The following VPS13B variants were observed in gnomAD, a reference collection of about 807,000 sequenced individuals.
VPS13B encodes the protein intermembrane lipid transfer protein VPS13B.
VPS13B carries 285 observed loss-of-function variants against 426.4 expected under a neutral mutation model. The ratio of observed to expected loss-of-function variants is 0.67; its 90% CI spans 0.61 to 0.74. VPS13B has a LOEUF of 0.74. Among genes scored for constraint, VPS13B ranks in the 30% least tolerant of loss-of-function variants. The probability of loss-of-function intolerance (pLI) is 0.00; values close to 1 mark genes in which losing one functional copy is unlikely to be tolerated. For synonymous variants in VPS13B, 1,676 were observed against 1,676.4 expected (o/e 1.00, Z 0.01); for missense variants, 4,537 against 4,782.6 (o/e 0.95, Z 1.51).
rs1341507447 is a variant in VPS13B at position 99,015,437 on chromosome 8, C to T, written c.147+1502C>T. ...TTCACCGTGTTAGCCAGGATGGTCTCGATCTCCTGACCTCATGATCCGCCC... is the reference window on the plus strand; with the variant it reads ...TTCACCGTGTTAGCCAGGATGGTCTTGATCTCCTGACCTCATGATCCGCCC... On this transcript the variant is annotated intron_variant, in intron 2 of 61. Transcript: ENST00000357162. Among the ~76,000 whole-genome samples the T allele has an allele frequency of 3.7e-4, 56 of 150,838 alleles. 2 individuals carry two copies. The highest frequency in any genetic ancestry group is 3.6e-3 in the Admixed American group (55 of 15,168).
chr8:99,755,988 T>C (rs1246879139), intron 39 of VPS13B, among the ~76,000 whole-genome samples: 2 of 151,968 alleles, frequency 1.3e-5, no homozygotes, highest in Non-Finnish European at 2.9e-5. Context: ...AAAAAAGCGA[T>C]CAATAGAAAT....
At chr8:99,678,799 T>C (rs1831044442) in intron 35 of VPS13B, among the ~76,000 whole-genome samples, 1 of 152,184 alleles carries the variant, frequency 6.6e-6, no homozygotes, top group Admixed American at 6.5e-5. Flanking sequence ...TATTTGAGTA[T>C]TCAGTAGTAT....
At chr8:99,716,316 T>C (rs1832918792) in intron 36 of VPS13B, among the ~76,000 whole-genome samples, 1 of 152,124 alleles carries the variant, frequency 6.6e-6, no homozygotes, top group African/African-American at 2.4e-5. Flanking sequence ...TTTTAATCTT[T>C]CATCTTTTTT....
chr8:99,434,786 A>G (rs1321541856), intron 22 of VPS13B, among the ~76,000 whole-genome samples: 3 of 152,212 alleles, frequency 2.0e-5, no homozygotes, highest in Non-Finnish European at 2.9e-5. Flanking sequence ...TTGCAGAGTT[A>G]TGACTCTTTT....
At chr8:99,856,560 G>A (rs1816559106) in intron 56 of VPS13B, among the ~76,000 whole-genome samples, 1 of 152,210 alleles carries the variant, frequency 6.6e-6, no homozygotes, top group South Asian at 2.1e-4. Flanking sequence ...AAAGAAACAG[G>A]CCGGGCGCAG....
At chr8:99,030,521 C>T (rs886375861) in intron 2 of VPS13B, among the ~76,000 whole-genome samples, 6 of 151,386 alleles carry the variant, frequency 4.0e-5, no homozygotes, top group African/African-American at 1.5e-4. Context: ...CTGTCCAGAA[C>T]TGGTTTCCAC....
intron 28 of VPS13B, chr8:99,507,740 A>G (rs1362888714): frequency 6.2e-7 from 1 of 1,613,588 alleles, no homozygotes; most frequent in Admixed American, 1.7e-5. Context: ...TTGTCTTTTC[A>G]CCTTCTTTGC....
chr8:99,233,475 G>A, intron 17 of VPS13B: 1 of 1,341,462 alleles, frequency 7.5e-7, no homozygotes, highest in Non-Finnish European at 1.1e-6. Context: ...GGGTTGGGAT[G>A]AAGAGATTCA....
chr8:99,168,714 C>T (rs866901601), intron 15 of VPS13B, among the ~76,000 whole-genome samples: 2 of 151,934 alleles, frequency 1.3e-5, no homozygotes, highest in African/African-American at 4.8e-5. Flanking sequence ...TTTAAGTAAT[C>T]ATTTCAGTAT....
At chr8:99,459,862 T>C (rs962615674) in intron 23 of VPS13B, among the ~76,000 whole-genome samples, 4 of 152,206 alleles carry the variant, frequency 2.6e-5, no homozygotes, top group Non-Finnish European at 5.9e-5. Context: ...ATGCAATATC[T>C]GTCTCTGTAA....
In VPS13B at chr8:99,135,596, GA is replaced by G; in HGVS notation, c.1428del (p.Ala477ProfsTer10). The G allele has an allele frequency of 6.2e-7, 1 of 1,612,876 alleles. No individual in the cohort carries two copies. The highest frequency in any genetic ancestry group is 8.5e-7 in the Non-Finnish European group (1 of 1,179,262). On this transcript the variant is annotated frameshift_variant and splice_region_variant, in exon 11 of 62. Transcript: ENST00000357162. LOFTEE classifies it high-confidence loss of function. ...FEENMNRSETEACFFICGDNL... is the reference protein window; with the variant it reads ...FEENMNRSETXACFFICGDNL... ...TTATAAATTTTGCATTTGTTTTCAG[GA>G]AGCCTGTTTCTTCATTTGTGGTGAC...
intron 21 of VPS13B, among the ~76,000 whole-genome samples, chr8:99,418,501 T>TTCTTTCTTTC (rs1340508830): frequency 1.6e-4 from 24 of 148,616 alleles, no homozygotes; most frequent in African/African-American, 6.0e-4. Flanking sequence ...CTTTCTTTCT[T>TTCTTTCTTTC]TCTTTCTTTC....
In VPS13B at chr8:99,875,889, A is replaced by ACAT; in HGVS notation, c.*228_*230dup. On this transcript the variant is annotated 3_prime_UTR_variant, in exon 62 of 62. Coordinates refer to ENST00000357162, the MANE Select transcript of VPS13B (RefSeq NM_152564.5). ...TTTTTAAAAAGCCTAGGCAGCTCTA[A>ACAT]CATCATCTGATATGGACACAAGGCC... 1.7e-6 allele frequency: 1 copy of ACAT among 584,308 alleles called. No individual in the cohort carries two copies. Among genetic ancestry groups the ACAT allele is most frequent in the Non-Finnish European group, 3.0e-6 (1 of 330,826 alleles). 36.2% of individuals were successfully genotyped at this position (584,308 alleles called of 1,614,324 possible). A position where few individuals can be genotyped will look rare whatever the true frequency, so the allele number is the denominator to read the frequency against.
At chr8:99,341,773 C>G in intron 19 of VPS13B, 1 of 381,550 alleles carries the variant, frequency 2.6e-6, no homozygotes, top group South Asian at 2.5e-5. Context: ...TGGGTCAAAC[C>G]CCCAGGCGTC....
At chr8:99,067,134 C>A (rs373495708) in intron 3 of VPS13B, among the ~76,000 whole-genome samples, 5 of 152,112 alleles carry the variant, frequency 3.3e-5, no homozygotes, top group African/African-American at 1.2e-4. Context: ...CCAGCCATCC[C>A]GTTACTAGGT....
chr8:99,689,627 G>C (rs1831565179), intron 35 of VPS13B, among the ~76,000 whole-genome samples: 1 of 152,152 alleles, frequency 6.6e-6, no homozygotes, highest in Non-Finnish European at 1.5e-5. Context: ...AGGCCAACCT[G>C]GGCAACATAA....
intron 25 of VPS13B, among the ~76,000 whole-genome samples, chr8:99,488,741 C>T (rs183925031): frequency 6.6e-6 from 1 of 151,650 alleles, no homozygotes; most frequent in Admixed American, 6.6e-5. Flanking sequence ...CTGGAAGAGA[C>T]TTTGTAAATT....
At chr8:99,665,848 C>T (rs1340603695) in intron 35 of VPS13B, among the ~76,000 whole-genome samples, 1 of 152,136 alleles carries the variant, frequency 6.6e-6, no homozygotes, top group East Asian at 1.9e-4. Flanking sequence ...TTTTCCAATT[C>T]TGTGAGGAAA....
chr8:99,666,657 C>A (rs1830500400), intron 35 of VPS13B, among the ~76,000 whole-genome samples: 1 of 152,110 alleles, frequency 6.6e-6, no homozygotes, highest in Non-Finnish European at 1.5e-5. Context: ...TGGGTCATAT[C>A]TCAAAATAAT....
Sources: allele counts gnomAD v4.1 joint callset (sites outside exome capture counted in the v4.1 genomes callset), GRCh38; gene constraint gnomAD v4.1.1; transcripts MANE v1.5; gene names NCBI Gene and HGNC (gene_info 2026-07-23, HGNC 2026-07-21).